NPIPB7: variants seen among roughly 807,000 people sequenced by gnomAD.
The protein encoded by NPIPB7 is nuclear pore complex interacting protein family member B7.
For missense variants in NPIPB7, 14 were observed against 238.5 expected, an observed-to-expected ratio of 0.06 and a Z score of 6.20; for synonymous variants, 9 against 88.1, an observed-to-expected ratio of 0.10 and a Z score of 5.03.
chr16:28,463,727 CAA>C (rs1199745082), intron 2 of NPIPB7, among the ~76,000 whole-genome samples: 523 of 14,784 alleles, frequency 0.035, no homozygotes, highest in African/African-American at 0.06. Context: ...AACTCTGTCT[CAA>C]AAAAAAAAAA....
intron 1 of NPIPB7, among the ~76,000 whole-genome samples, chr16:28,468,806 CAA>C (rs1032086551): frequency 2.0e-4 from 5 of 24,394 alleles, no homozygotes; most frequent in African/African-American, 6.7e-4. Flanking sequence ...GACTCTGTCT[CAA>C]AAAAAAAAAA....
chr16:28,471,897 G>T (rs1296330509), upstream of NPIPB7, among the ~76,000 whole-genome samples: 2 of 152,162 alleles, frequency 1.3e-5, no homozygotes, highest in Non-Finnish European at 2.9e-5. Context: ...GTGCATGGTG[G>T]CACCTGCCTG....
intron 2 of NPIPB7, among the ~76,000 whole-genome samples, chr16:28,465,478 C>T (rs1437774411): frequency 1.2e-4 from 15 of 127,970 alleles, no homozygotes; most frequent in African/African-American, 3.3e-4. Context: ...GAGGGAGACT[C>T]GTCTCGGGGG....
chr16:28,469,937 A>G (rs1489804096), intron 1 of NPIPB7: 2 of 286,618 alleles, frequency 7.0e-6, no homozygotes, highest in Non-Finnish European at 1.3e-5. Flanking sequence ...TTGCCACTGC[A>G]CTCCAGCCTG....
chr16:28,472,208 T>A (rs193153487), upstream of NPIPB7, among the ~76,000 whole-genome samples: 11 of 151,678 alleles, frequency 7.3e-5, no homozygotes, highest in East Asian at 2.1e-3. Context: ...AGCTGAGGAG[T>A]TTGAGACCAG....
chr16:28,458,186 AGG>A, intron 6 of NPIPB7, 198 bp downstream of exon 6: 1 of 434,052 alleles, frequency 2.3e-6, no homozygotes, highest in Non-Finnish European at 4.1e-6. Flanking sequence ...AATTTAGATC[AGG>A]GGCCCCACTG....
At chr16:28,461,947 CAA>C (rs56100146) in intron 4 of NPIPB7, among the ~76,000 whole-genome samples, 3,424 of 90,074 alleles carry the variant, frequency 0.038, 2 homozygotes, top group African/African-American at 0.052. Context: ...GACTCTGTCT[CAA>C]AAAAAAAAAA....
intron 1 of NPIPB7, among the ~76,000 whole-genome samples, chr16:28,467,560 T>TTTTTTG (rs1475825366): frequency 7.2e-6 from 1 of 138,334 alleles, no homozygotes; most frequent in African/African-American, 2.7e-5. Flanking sequence ...CCAGCCATTT[T>TTTTTTG]TTTTTGTTTT....
In NPIPB7 at chr16:28,469,657, T is replaced by C. The variant is rs1261532562; in HGVS notation, c.66+716A>G. The C allele has an allele frequency of 2.3e-4, 81 of 353,008 alleles. No individual in the cohort carries two copies. In the Admixed American group the frequency reaches 3.1e-3, roughly 14 times the overall value. 21.9% of individuals were successfully genotyped at this position (353,008 alleles called of 1,614,324 possible). On this transcript the variant is annotated intron_variant, in intron 1 of 6. Coordinates refer to ENST00000452313, the Ensembl canonical transcript of NPIPB7. ...TTGAAAGGGGGTCGGTTTATGCTGGTGTATGTACTTTCCAAAGTTAGTAAA... is the reference window on the plus strand; with the variant it reads ...TTGAAAGGGGGTCGGTTTATGCTGGCGTATGTACTTTCCAAAGTTAGTAAA...
At chr16:28,469,347 C>A in intron 1 of NPIPB7, among the ~76,000 whole-genome samples, 1 of 113,590 alleles carries the variant, frequency 8.8e-6, no homozygotes, top group African/African-American at 2.8e-5. Flanking sequence ...GCCTGTAATC[C>A]CAACACTTTG....
upstream of NPIPB7, among the ~76,000 whole-genome samples, chr16:28,472,323 A>C (rs2045956833): frequency 1.3e-5 from 2 of 152,030 alleles, no homozygotes; most frequent in African/African-American, 4.8e-5. Flanking sequence ...CAGGAGTTCA[A>C]GGTTACGGTG....
intron 1 of NPIPB7, among the ~76,000 whole-genome samples, chr16:28,468,747 C>A (rs563531825): frequency 1.3e-4 from 15 of 119,196 alleles, no homozygotes; most frequent in African/African-American, 4.1e-4. Context: ...GCAGAGGTTG[C>A]AGTGAGCCGA....
chr16:28,472,112 T>C (rs1567251251), upstream of NPIPB7, among the ~76,000 whole-genome samples: 1 of 152,252 alleles, frequency 6.6e-6, no homozygotes, highest in Non-Finnish European at 1.5e-5. Context: ...AGTGTTGTAT[T>C]GGTGTAAGAA....
intron 2 of NPIPB7, among the ~76,000 whole-genome samples, chr16:28,463,727 CAAAAA>C (rs1199745082): frequency 4.8e-3 from 72 of 14,934 alleles, no homozygotes; most frequent in South Asian, 0.042. Context: ...AACTCTGTCT[CAAAAA>C]AAAAAAAAAA....
At chr16:28,463,594 T>C (rs1357051170) in intron 2 of NPIPB7, among the ~76,000 whole-genome samples, 4 of 144,906 alleles carry the variant, frequency 2.8e-5, no homozygotes, top group Admixed American at 7.0e-5. Context: ...GGCATGGTGG[T>C]GCATGCCTGT....
At chr16:28,462,345 A>T (rs2045876897) in intron 4 of NPIPB7, among the ~76,000 whole-genome samples, 1 of 143,982 alleles carries the variant, frequency 6.9e-6, no homozygotes, top group Non-Finnish European at 1.5e-5. Flanking sequence ...GCTTGAAGTC[A>T]AAAGGCAGTG....
At chr16:28,463,387 TCTCACA>T (rs1338702864) in intron 2 of NPIPB7, among the ~76,000 whole-genome samples, 409 of 80,418 alleles carry the variant, frequency 5.1e-3, no homozygotes, top group Non-Finnish European at 5.7e-3. Context: ...TGAGACTCTG[TCTCACA>T]CACACACACA....
At chr16:28,463,327 G>T (rs1277861753) in intron 2 of NPIPB7, among the ~76,000 whole-genome samples, 1 of 136,176 alleles carries the variant, frequency 7.3e-6, no homozygotes, top group African/African-American at 2.8e-5. Flanking sequence ...GGAGGCGGAG[G>T]TTGCAGTGAG....
intron 4 of NPIPB7, among the ~76,000 whole-genome samples, chr16:28,462,190 C>T (rs1370222981): frequency 6.7e-6 from 1 of 149,834 alleles, no homozygotes; most frequent in Admixed American, 6.6e-5. Flanking sequence ...GAGGCTGAGG[C>T]AGGTGGATTA....
Sources: gnomAD v4.1 joint callset for allele counts (sites outside exome capture counted in the v4.1 genomes callset) on GRCh38, gnomAD v4.1.1 for gene constraint, MANE v1.5 for transcripts, NCBI Gene and HGNC (gene_info 2026-07-23, HGNC 2026-07-21) for gene names.